DENND4A: variants seen among roughly 807,000 people sequenced by gnomAD.
DENND4A encodes the protein DENN domain containing 4A.
DENND4A carries 70 observed loss-of-function variants against 199.3 expected under a neutral mutation model. The ratio of observed to expected loss-of-function variants is 0.35; its 90% CI spans 0.29 to 0.43. The LOEUF is 0.43. DENND4A is among the 20% of genes least tolerant of loss of function. DENND4A has a pLI of 1.00. For synonymous variants in DENND4A, 686 were observed against 766.9 expected (o/e 0.89, Z 1.74); for missense variants, 1,723 against 2,255.8 (o/e 0.76, Z 4.78).
intron 1 of DENND4A, among the ~76,000 whole-genome samples, chr15:65,770,489 C>A (rs1051184780): frequency 6.6e-6 from 1 of 152,050 alleles, no homozygotes; most frequent in Non-Finnish European, 1.5e-5. Context: ...CATTTCATTT[C>A]TATGCATGTA....
intron 27 of DENND4A, among the ~76,000 whole-genome samples, chr15:65,669,320 A>G (rs944095929): frequency 2.6e-5 from 4 of 152,110 alleles, no homozygotes; most frequent in African/African-American, 9.7e-5. Context: ...AGATTTACTT[A>G]TATTAGGCTT....
intron 1 of DENND4A, chr15:65,771,693 C>CA: frequency 4.3e-6 from 7 of 1,610,516 alleles, no homozygotes; most frequent in Non-Finnish European, 5.9e-6. Context: ...AATCCACCCC[C>CA]AAAAAATATA....
intron 4 of DENND4A, among the ~76,000 whole-genome samples, chr15:65,748,388 AG>A (rs1189508558): frequency 8.5e-5 from 13 of 152,134 alleles, no homozygotes; most frequent in African/African-American, 3.1e-4. Context: ...GAGGCCAAGG[AG>A]GGAGGATTGC....
At chr15:65,764,972 CAAAAA>C (rs35902836) in intron 1 of DENND4A, among the ~76,000 whole-genome samples, 2 of 95,874 alleles carry the variant, frequency 2.1e-5, no homozygotes. Context: ...ACCCTGTCTC[CAAAAA>C]AAAAAAAAAA....
intron 2 of DENND4A, among the ~76,000 whole-genome samples, chr15:65,759,822 T>C (rs141018157): frequency 1.3e-5 from 2 of 152,364 alleles, no homozygotes; most frequent in Admixed American, 6.5e-5. Flanking sequence ...CTCCAGTTCA[T>C]TAGTCTTTGA....
intron 13 of DENND4A, among the ~76,000 whole-genome samples, chr15:65,717,079 A>G (rs887153120): frequency 3.7e-4 from 56 of 151,892 alleles, no homozygotes; most frequent in African/African-American, 1.2e-3. Context: ...GAAGTTGTTC[A>G]CTCTTTATTT....
At chr15:65,708,181 T>A (rs1164700088) in intron 14 of DENND4A, among the ~76,000 whole-genome samples, 1 of 152,078 alleles carries the variant, frequency 6.6e-6, no homozygotes, top group Non-Finnish European at 1.5e-5. Context: ...TTCTTTCTTT[T>A]TTTTTGGTAG....
intron 1 of DENND4A, among the ~76,000 whole-genome samples, chr15:65,784,154 A>C (rs2077505009): frequency 6.6e-6 from 1 of 152,126 alleles, no homozygotes; most frequent in Non-Finnish European, 1.5e-5. Context: ...GACAAACCCA[A>C]ACTGAGGGAC....
intron 4 of DENND4A, among the ~76,000 whole-genome samples, chr15:65,748,652 AG>A (rs1289425690): frequency 6.6e-6 from 1 of 151,504 alleles, no homozygotes; most frequent in Non-Finnish European, 1.5e-5. Flanking sequence ...AAAAAAACAA[AG>A]AAAAAGAAAG....
Position 65,724,595 on chromosome 15 carries a change from G to GA in DENND4A, c.1488-1648dup, listed in dbSNP as rs541645259. Reference sequence around the variant, plus strand: ...AATATCACTTTGAAAAGTAAACAAAGAAAAAAGAGTGGGATAAGAAAGCTT... The same window carrying GA: ...AATATCACTTTGAAAAGTAAACAAAGAAAAAAAGAGTGGGATAAGAAAGCTT... On this transcript the variant is annotated intron_variant, in intron 11 of 32. Coordinates refer to ENST00000443035, the MANE Select transcript of DENND4A (RefSeq NM_001320835.1). Among the ~76,000 whole-genome samples the GA allele has an allele frequency of 4.7e-4, 72 of 151,944 alleles. 1 individual carries two copies. In the South Asian group the frequency reaches 0.015, roughly 31 times the overall value.
chr15:65,678,763 C>T (rs1211006758), intron 23 of DENND4A, among the ~76,000 whole-genome samples: 3 of 152,172 alleles, frequency 2.0e-5, no homozygotes, highest in Non-Finnish European at 2.9e-5. Context: ...GATCACAGCT[C>T]ATAGCAGCCT....
chr15:65,725,672 G>A (rs1287412569), intron 11 of DENND4A, among the ~76,000 whole-genome samples: 4 of 118,054 alleles, frequency 3.4e-5, no homozygotes, highest in Admixed American at 8.2e-5. Flanking sequence ...GTGAGACTCT[G>A]TCTCAAAAAA....
Position 65,778,027 on chromosome 15 carries a change from C to T in DENND4A, c.-102+13983G>A, listed in dbSNP as rs149181811. ...CAGCCTGGGCGACAGAGGGAGACTC[C>T]GTATCAAAAAAAAAAGGCTGTTAAG... On this transcript the variant is annotated intron_variant, in intron 1 of 32. Coordinates refer to ENST00000443035, the MANE Select transcript of DENND4A (RefSeq NM_001320835.1). Among the ~76,000 whole-genome samples, 392 of 150,952 alleles carry T rather than the reference C, an allele frequency of 2.6e-3. 3 individuals are homozygous for T. The highest frequency in any genetic ancestry group is 8.8e-3 in the African/African-American group (361 of 41,114).
intron 14 of DENND4A, among the ~76,000 whole-genome samples, chr15:65,714,845 ACCTGGCTTGGGCTCTGACATTC>A (rs1197447539): frequency 3.2e-4 from 48 of 152,134 alleles, no homozygotes; most frequent in African/African-American, 1.1e-3. Flanking sequence ...TACTCTCCTT[ACCTGGCTTGGGCTCTGACATTC>A]CAGCTAGGCT....
At chr15:65,766,200 G>A (rs2140825896) in intron 1 of DENND4A, among the ~76,000 whole-genome samples, 1 of 148,854 alleles carries the variant, frequency 6.7e-6, no homozygotes, top group Non-Finnish European at 1.5e-5. Context: ...GTGGTGAGCT[G>A]AGATCAGGCC....
At chr15:65,776,968 G>C (rs1194654075) in intron 1 of DENND4A, among the ~76,000 whole-genome samples, 1 of 152,076 alleles carries the variant, frequency 6.6e-6, no homozygotes, top group Non-Finnish European at 1.5e-5. Context: ...AGGAGTTCGA[G>C]GCCAGCCTGG....
At chr15:65,717,672 T>C in intron 13 of DENND4A, 106 bp downstream of exon 13, 1 of 1,010,556 alleles carries the variant, frequency 9.9e-7, no homozygotes, top group Non-Finnish European at 1.4e-6. Flanking sequence ...CTCCTCAAAA[T>C]AGGTATGTAT....
Position 65,691,367 on chromosome 15 carries a change from C to T in DENND4A, c.3227G>A (p.Arg1076His), listed in dbSNP as rs763489995. The T allele has an allele frequency of 2.9e-5, 47 of 1,613,456 alleles. No individual in the cohort carries two copies. The highest frequency in any genetic ancestry group is 3.3e-4 in the Middle Eastern group (2 of 6,082). ...CATCAGTACCCCTCCACTAAGATTA[C>T]GGTTTCTATTTCCCCAGACCACTTG... The part of the protein sequence containing the change: ...QQQVVWGNRN[R>H]NLSGGVLMGF... The change falls in exon 23 of 33, where the codon CGT (arginine) becomes CAT (histidine). Residue 1076 changes from arginine (R) to histidine (H), a missense_variant. By Grantham distance (29) the Arg-to-His change is conservative (BLOSUM62 0). This residue lies in a region of DENND4A where 650 missense variants were observed against 738.1 expected (regional missense o/e 0.88). Coordinates refer to ENST00000443035, the MANE Select transcript of DENND4A (RefSeq NM_001320835.1).
chr15:65,685,733 TG>T (rs1466767369), intron 23 of DENND4A, among the ~76,000 whole-genome samples: 1 of 152,216 alleles, frequency 6.6e-6, no homozygotes. Context: ...GAAGTCTGAC[TG>T]TATTTGCATG....
Sources: gnomAD v4.1 joint callset for allele counts (sites outside exome capture counted in the v4.1 genomes callset) on GRCh38, gnomAD v4.1.1 for gene constraint, gnomAD v4.1.1 regional missense constraint, MANE v1.5 for transcripts, NCBI Gene and HGNC (gene_info 2026-07-23, HGNC 2026-07-21) for gene names.